Variants in TMEM217B observed in about 807,000 individuals in gnomAD.
The protein encoded by TMEM217B is transmembrane protein 217B, also known as putative transmembrane protein 217B.
At chr6:37,231,694 A>G in the TMEM217B span, among the ~76,000 whole-genome samples, 3 of 147,746 alleles carry the variant, frequency 2.0e-5, no homozygotes, top group Non-Finnish European at 1.5e-5. Flanking sequence ...AAAAAATTCA[A>G]CAGAAAGCTC....
chr6:37,249,395 C>T, the TMEM217B span, among the ~76,000 whole-genome samples: 1 of 152,272 alleles, frequency 6.6e-6, no homozygotes, highest in Admixed American at 6.5e-5. Context: ...TCTTGGCTCA[C>T]TGCAACCTCC....
the TMEM217B span, among the ~76,000 whole-genome samples, chr6:37,256,194 G>A: frequency 6.6e-6 from 1 of 152,178 alleles, no homozygotes; most frequent in Non-Finnish European, 1.5e-5. Context: ...GCTCACATAG[G>A]GAAAGACAAT....
At chr6:37,218,840 C>T in the TMEM217B span, 15 of 1,614,210 alleles carry the variant, frequency 9.3e-6, no homozygotes, top group Non-Finnish European at 1.3e-5. Context: ...GATTTTAAAA[C>T]TCCAGCAGAT....
the TMEM217B span, among the ~76,000 whole-genome samples, chr6:37,223,162 GAGAA>G: frequency 1.3e-5 from 2 of 152,100 alleles, no homozygotes; most frequent in Admixed American, 6.6e-5. Flanking sequence ...TGTTCTGATA[GAGAA>G]AGAGAGATGA....
the TMEM217B span, among the ~76,000 whole-genome samples, chr6:37,233,363 G>A: frequency 6.6e-6 from 1 of 152,130 alleles, no homozygotes; most frequent in Non-Finnish European, 1.5e-5. Flanking sequence ...ACCACAGACT[G>A]GGAAATTTAT....
At chr6:37,244,878 C>A in the TMEM217B span, among the ~76,000 whole-genome samples, 2 of 152,178 alleles carry the variant, frequency 1.3e-5, no homozygotes, top group Non-Finnish European at 2.9e-5. Flanking sequence ...CTAATTCATA[C>A]GTCAAAGGCT....
the TMEM217B span, among the ~76,000 whole-genome samples, chr6:37,220,428 C>G: frequency 1.3e-5 from 2 of 152,090 alleles, no homozygotes; most frequent in East Asian, 3.8e-4. Context: ...AAAGGTGAAT[C>G]AGAAGTAAAC....
chr6:37,213,006 G>T, the TMEM217B span: 2 of 1,525,442 alleles, frequency 1.3e-6, no homozygotes, highest in Non-Finnish European at 1.8e-6. Context: ...CCTGCAGGAA[G>T]AAAATCATAC....
chr6:37,241,454 A>G, the TMEM217B span, among the ~76,000 whole-genome samples: 199 of 152,250 alleles, frequency 1.3e-3, no homozygotes, highest in African/African-American at 4.7e-3. Flanking sequence ...CCTGAGCACT[A>G]GGGATTCTGT....
At chr6:37,227,070 G>C in the TMEM217B span, among the ~76,000 whole-genome samples, 5 of 152,164 alleles carry the variant, frequency 3.3e-5, no homozygotes, top group African/African-American at 7.2e-5. Context: ...GCAAAATTAG[G>C]ATTTGAACTC....
chr6:37,218,636 A>G, the TMEM217B span: 1 of 1,614,194 alleles, frequency 6.2e-7, no homozygotes, highest in South Asian at 1.1e-5. Context: ...ACGAGACACC[A>G]AGCCAAACCA....
At chr6:37,246,155 C>A in the TMEM217B span, among the ~76,000 whole-genome samples, 1 of 152,158 alleles carries the variant, frequency 6.6e-6, no homozygotes, top group East Asian at 1.9e-4. Context: ...ATTCTTGGCT[C>A]ACTTTTCTCT....
chr6:37,222,711 C>T, the TMEM217B span, among the ~76,000 whole-genome samples: 1 of 152,246 alleles, frequency 6.6e-6, no homozygotes, highest in African/African-American at 2.4e-5. Context: ...TGCAGCCCGC[C>T]CAAGAGGGCG....
the TMEM217B span, among the ~76,000 whole-genome samples, chr6:37,235,840 A>G: frequency 6.6e-6 from 1 of 152,168 alleles, no homozygotes; most frequent in East Asian, 1.9e-4. Context: ...CCTTTTATAA[A>G]GCACTAACCC....
the TMEM217B span, among the ~76,000 whole-genome samples, chr6:37,241,401 C>G: frequency 6.6e-6 from 1 of 152,180 alleles, no homozygotes; most frequent in African/African-American, 2.4e-5. Context: ...AGCAGGACCT[C>G]AAAAGCGACA....
At chr6:37,225,932 C>T in the TMEM217B span, among the ~76,000 whole-genome samples, 1 of 152,180 alleles carries the variant, frequency 6.6e-6, no homozygotes, top group Non-Finnish European at 1.5e-5. Context: ...TATGACCTAC[C>T]CTATCAGCCG....
chr6:37,242,736 T>TCG, the TMEM217B span, among the ~76,000 whole-genome samples: 1 of 152,342 alleles, frequency 6.6e-6, no homozygotes, highest in Non-Finnish European at 1.5e-5. Flanking sequence ...CTTCACCTGC[T>TCG]CATCTCTCAA....
the TMEM217B span, chr6:37,218,701 T>TA: frequency 1.2e-6 from 2 of 1,614,152 alleles, no homozygotes; most frequent in Non-Finnish European, 1.7e-6. Flanking sequence ...GGATTTGTAT[T>TA]ACGACGTTTG....
the TMEM217B span, among the ~76,000 whole-genome samples, chr6:37,253,691 T>C: frequency 6.6e-6 from 1 of 152,192 alleles, no homozygotes; most frequent in Non-Finnish European, 1.5e-5. Context: ...TTCCTTCCAC[T>C]CCACTCCTTC....
Sources: allele counts gnomAD v4.1 joint callset (sites outside exome capture counted in the v4.1 genomes callset), GRCh38; gene constraint gnomAD v4.1.1; transcripts MANE v1.5; gene names NCBI Gene and HGNC (gene_info 2026-07-23, HGNC 2026-07-21).